ECD: variants seen among roughly 807,000 people sequenced by gnomAD.
ECD encodes the protein ecdysoneless cell cycle regulator, also known as protein ecdysoneless homolog.
ECD carries 59 observed loss-of-function variants against 77.2 expected under a neutral mutation model. The observed-to-expected ratio is 0.76, with a 90% CI of 0.62 to 0.95. The LOEUF (loss-of-function observed/expected upper bound fraction) is 0.95, where lower values mean the gene tolerates loss of function less well. ECD is among the 40% of genes least tolerant of loss of function. The pLI is 0.00. For synonymous variants in ECD, 233 were observed against 267.4 expected (o/e 0.87, Z 1.26); for missense variants, 704 against 763.4 (o/e 0.92, Z 0.92).
intron 3 of ECD, among the ~76,000 whole-genome samples, chr10:73,160,053 G>A (rs1257390089): frequency 6.6e-6 from 1 of 151,836 alleles, no homozygotes; most frequent in Non-Finnish European, 1.5e-5. Context: ...GGGAGGCCAA[G>A]GTGGGTGGAT....
At chr10:73,149,871 C>T (rs1449987020) in intron 7 of ECD, among the ~76,000 whole-genome samples, 7 of 152,032 alleles carry the variant, frequency 4.6e-5, no homozygotes, top group Non-Finnish European at 8.8e-5. Flanking sequence ...ATTATCAAGC[C>T]GTTTGATACT....
intron 3 of ECD, among the ~76,000 whole-genome samples, chr10:73,158,515 C>A (rs1013499826): frequency 6.6e-6 from 1 of 151,882 alleles, no homozygotes; most frequent in Admixed American, 6.6e-5. Context: ...GCAGGTGGAT[C>A]ACTTGAGGTC....
chr10:73,139,587 T>C (rs75751868), intron 10 of ECD, 44 bp downstream of exon 10: 1 of 1,546,844 alleles, frequency 6.5e-7, no homozygotes, highest in Non-Finnish European at 8.7e-7. Context: ...ACATTTTAAT[T>C]TTTTTTTTTT....
intron 3 of ECD, among the ~76,000 whole-genome samples, chr10:73,158,379 A>C (rs879784020): frequency 3.9e-5 from 6 of 152,176 alleles, no homozygotes; most frequent in Non-Finnish European, 7.3e-5. Context: ...GCCATCCTAC[A>C]ATATATATGT....
At chr10:73,155,756 C>T (rs1442156014) in intron 5 of ECD, among the ~76,000 whole-genome samples, 1 of 151,952 alleles carries the variant, frequency 6.6e-6, no homozygotes, top group Non-Finnish European at 1.5e-5. Context: ...CCTGCCACCA[C>T]GCCCTGCTAT....
rs1843513022 is a variant in ECD, at chr10:73,167,897, G to C, written c.-45C>G. On this transcript the variant is annotated 5_prime_UTR_variant, in exon 1 of 14. Transcript: ENST00000372979. Reference sequence around the variant, plus strand: ...AGGGCCTCTCCTTCGCGTCTCTGCTGTGGCACCTTTCCTTAGCCGCCTCTC... The same window carrying C: ...AGGGCCTCTCCTTCGCGTCTCTGCTCTGGCACCTTTCCTTAGCCGCCTCTC... 1.0e-5 allele frequency: 2 copies of C among 193,482 alleles called. No individual in the cohort carries two copies. Among genetic ancestry groups the C allele is most frequent in the Non-Finnish European group, 2.1e-5 (2 of 95,192 alleles). The allele number at this position is 193,482 out of a possible 1,614,324, so 12.0% of individuals were successfully genotyped here.
intron 6 of ECD, among the ~76,000 whole-genome samples, chr10:73,153,725 CAAAAAA>C (rs201711578): frequency 1.7e-3 from 71 of 41,304 alleles, no homozygotes; most frequent in Middle Eastern, 0.036. Flanking sequence ...GACTCTGTCT[CAAAAAA>C]AAAAAAAAAA....
chr10:73,146,399 C>A lies in ECD; in HGVS notation c.1042-38G>T, dbSNP rs1218786584. On this transcript the variant is annotated intron_variant, in intron 8 of 13. Transcript: ENST00000372979. The stretch of plus-strand genomic sequence containing the variant: ...AAAAGGTCTATCAGAACATTACTCA[C>A]AAGTTGTCATGAAAAAAATGTGTTC... 3 of 1,426,288 alleles carry A rather than the reference C, an allele frequency of 2.1e-6. No individual in the cohort carries two copies. In the South Asian group the frequency reaches 3.9e-5, roughly 18 times the overall value. 88.4% of individuals were successfully genotyped at this position (1,426,288 alleles called of 1,614,324 possible). A position where few individuals can be genotyped will look rare whatever the true frequency, so the allele number is the denominator to read the frequency against.
At chr10:73,166,521 T>C (rs954392238) in intron 1 of ECD, among the ~76,000 whole-genome samples, 2 of 152,248 alleles carry the variant, frequency 1.3e-5, no homozygotes, top group African/African-American at 4.8e-5. Flanking sequence ...TGGGGTGAGA[T>C]GCTATCTTAT....
intron 9 of ECD, among the ~76,000 whole-genome samples, chr10:73,145,932 C>A (rs945425881): frequency 6.6e-6 from 1 of 151,914 alleles, no homozygotes; most frequent in East Asian, 1.9e-4. Context: ...CGTGAGCCAC[C>A]GCGCCTGGCC....
At chr10:73,162,957 C>T (rs1039382502) in intron 2 of ECD, among the ~76,000 whole-genome samples, 5 of 152,276 alleles carry the variant, frequency 3.3e-5, no homozygotes, top group Non-Finnish European at 7.4e-5. Context: ...ATTGCATATA[C>T]GCAGTAGGCA....
intron 9 of ECD, 112 bp from the exon 10 acceptor site, chr10:73,139,849 G>T (rs74682773): frequency 0.097 from 42,015 of 435,266 alleles, 3,061 homozygotes; most frequent in East Asian, 0.27. Flanking sequence ...TTTGGGGAGT[G>T]TTTTTTTTTT....
At chr10:73,155,179 C>T (rs1472054044) in intron 5 of ECD, among the ~76,000 whole-genome samples, 3 of 151,900 alleles carry the variant, frequency 2.0e-5, no homozygotes, top group South Asian at 4.2e-4. Flanking sequence ...GATTTTCCTG[C>T]GCTCAGTCTC....
At chr10:73,158,465 G>A (rs1032480962) in intron 3 of ECD, among the ~76,000 whole-genome samples, 3 of 152,140 alleles carry the variant, frequency 2.0e-5, no homozygotes, top group Non-Finnish European at 4.4e-5. Context: ...GCTGGGCGCA[G>A]TGGCTCACAC....
chr10:73,161,628 A>C (rs1843382873), intron 2 of ECD, among the ~76,000 whole-genome samples: 1 of 152,224 alleles, frequency 6.6e-6, no homozygotes, highest in South Asian at 2.1e-4. Flanking sequence ...AGAATTTGAC[A>C]CCAATCCTCC....
At chr10:73,152,219 T>C (rs867109832) in intron 7 of ECD, 74 bp downstream of exon 7, 1 of 1,535,132 alleles carries the variant, frequency 6.5e-7, no homozygotes. Context: ...CTGGACTTTG[T>C]ATATTGTGCC....
intron 9 of ECD, among the ~76,000 whole-genome samples, chr10:73,141,822 A>G (rs576904844): frequency 1.2e-3 from 182 of 152,336 alleles, no homozygotes; most frequent in African/African-American, 4.4e-3. Flanking sequence ...ATGTTTATCC[A>G]ATTAAAGCAA....
At position 73,146,189 on chromosome 10, in the gene ECD, T is replaced by C. The variant is rs913804242; in HGVS notation, c.1127+87A>G. 12 of 647,220 alleles carry C rather than the reference T, an allele frequency of 1.9e-5. 1 individual carries two copies. The highest frequency in any genetic ancestry group is 1.8e-4 in the African/African-American group (9 of 51,050). 40.1% of individuals were successfully genotyped at this position (647,220 alleles called of 1,614,324 possible). ...TGAGACTCCGTCTCAAAAAAATAAA[T>C]AAATAAGAATAATAAATAATAAATA... On this transcript the variant is annotated intron_variant, in intron 9 of 13. Coordinates refer to ENST00000372979, the MANE Select transcript of ECD (RefSeq NM_007265.3).
At chr10:73,166,364 T>C (rs894505533) in intron 1 of ECD, among the ~76,000 whole-genome samples, 6 of 152,310 alleles carry the variant, frequency 3.9e-5, no homozygotes, top group African/African-American at 9.6e-5. Flanking sequence ...CTGGATCATA[T>C]AGTAGCTCTA....
Sources: gnomAD v4.1 joint callset for allele counts (sites outside exome capture counted in the v4.1 genomes callset) on GRCh38, gnomAD v4.1.1 for gene constraint, MANE v1.5 for transcripts, NCBI Gene and HGNC (gene_info 2026-07-23, HGNC 2026-07-21) for gene names.